CCDC171: variants seen among roughly 807,000 people sequenced by gnomAD.
The protein encoded by CCDC171 is coiled-coil domain-containing protein 171.
Under a neutral mutation model 168.2 loss-of-function variants are expected in CCDC171, and 177 were observed. The ratio of observed to expected loss-of-function variants is 1.05; its 90% confidence interval spans 0.93 to 1.19. CCDC171 has a LOEUF of 1.19. Ranked by LOEUF, CCDC171 falls within the 50% of genes most tolerant of loss-of-function variation. The pLI is 0.00. For missense variants in CCDC171, 1,991 were observed against 1,539.0 expected, an observed-to-expected ratio of 1.29 and a Z score of -4.91; for synonymous variants, 687 against 540.8, an observed-to-expected ratio of 1.27 and a Z score of -3.75.
In CCDC171 at chr9:15,646,486, T is replaced by G. The variant is rs1401737274; in HGVS notation, c.823-10641T>G. On this transcript the variant is annotated intron_variant, in intron 7 of 25. Transcript: ENST00000380701. The stretch of plus-strand genomic sequence containing the variant: ...TGGATAAAGATTCAAGACCCATCAG[T>G]GTGCTGTATTCAGGAGACCCATCTC... 2.0e-5 allele frequency among the ~76,000 whole-genome samples: 3 copies of G among 152,282 alleles called. No homozygotes were observed. The East Asian group carries it at 5.8e-4, about 29-fold the overall frequency.
At chr9:16,074,686 G>A in the CCDC171 span, among the ~76,000 whole-genome samples, 2 of 152,176 alleles carry the variant, frequency 1.3e-5, no homozygotes, top group Non-Finnish European at 2.9e-5. Flanking sequence ...TAGGCAAAGA[G>A]GTGGCAGAAG....
rs529157707 is a variant in CCDC171, at chr9:15,993,595, G to A, written n.369-26994G>A. Among the ~76,000 whole-genome samples, 407 of 152,264 alleles carry A rather than the reference G, an allele frequency of 2.7e-3. 2 individuals carry two copies. Among genetic ancestry groups the A allele is most frequent in the African/African-American group, 9.1e-3 (380 of 41,540 alleles). ...CAACAAAAGCCAAAATTGACAAATG[G>A]GATCTAATTAAACTGAAGAGCTTCT... On this transcript the variant is annotated intron_variant and non_coding_transcript_variant, in intron 3 of 9. Coordinates refer to the CCDC171 transcript ENST00000486641.
At chr9:15,811,184 G>A (rs917162349) in intron 21 of CCDC171, among the ~76,000 whole-genome samples, 1 of 152,188 alleles carries the variant, frequency 6.6e-6, no homozygotes, top group Admixed American at 6.5e-5. Flanking sequence ...TTTGGAACCA[G>A]AGGGCTTGAA....
At chr9:15,782,648 A>G (rs2057726563) in intron 20 of CCDC171, among the ~76,000 whole-genome samples, 1 of 152,184 alleles carries the variant, frequency 6.6e-6, no homozygotes, top group African/African-American at 2.4e-5. Flanking sequence ...GTAATTTAAA[A>G]CAACACATTG....
At chr9:15,812,923 A>G (rs572919479) in intron 21 of CCDC171, among the ~76,000 whole-genome samples, 5 of 152,326 alleles carry the variant, frequency 3.3e-5, no homozygotes, top group South Asian at 2.1e-4. Flanking sequence ...GAGGACCTAC[A>G]TTTGGACCTC....
At chr9:15,890,864 G>T (rs1293698722) in intron 24 of CCDC171, among the ~76,000 whole-genome samples, 1 of 152,106 alleles carries the variant, frequency 6.6e-6, no homozygotes, top group Non-Finnish European at 1.5e-5. Context: ...TATTGAAGTA[G>T]ATGATAACCC....
At chr9:16,031,752 G>T (rs1315948500) in intron 6 of CCDC171, among the ~76,000 whole-genome samples, 2 of 152,144 alleles carry the variant, frequency 1.3e-5, no homozygotes, top group African/African-American at 2.4e-5. Context: ...GGATTCCCTG[G>T]CTGCCAAACA....
intron 6 of CCDC171, among the ~76,000 whole-genome samples, chr9:15,602,338 G>C (rs1485691056): frequency 1.4e-5 from 2 of 145,014 alleles, no homozygotes; most frequent in Admixed American, 1.4e-4. Context: ...ATCTCATAGT[G>C]TTCTCTTTGT....
chr9:15,727,069 AGTG>A (rs1407697817), intron 14 of CCDC171, among the ~76,000 whole-genome samples: 15 of 152,184 alleles, frequency 9.9e-5, no homozygotes, highest in Non-Finnish European at 2.1e-4. Context: ...TAATTACTGA[AGTG>A]GTAATATAAT....
intron 7 of CCDC171, among the ~76,000 whole-genome samples, chr9:15,623,803 T>G (rs1325938928): frequency 5.9e-5 from 9 of 152,174 alleles, no homozygotes; most frequent in African/African-American, 2.2e-4. Context: ...ACATTTTAAT[T>G]TTGTAGTTTG....
At chr9:15,597,474 C>G (rs1163759860) in intron 6 of CCDC171, among the ~76,000 whole-genome samples, 1 of 152,104 alleles carries the variant, frequency 6.6e-6, no homozygotes, top group Non-Finnish European at 1.5e-5. Context: ...TTGAACCAGC[C>G]TTGCATTCCG....
chr9:15,648,696 T>C (rs947319933), intron 7 of CCDC171, among the ~76,000 whole-genome samples: 9 of 152,164 alleles, frequency 5.9e-5, no homozygotes, highest in African/African-American at 2.2e-4. Context: ...ACAAGGGATG[T>C]GAAAGACTTC....
intron 21 of CCDC171, among the ~76,000 whole-genome samples, chr9:15,806,253 T>C (rs1349449998): frequency 2.0e-5 from 3 of 152,202 alleles, no homozygotes; most frequent in Non-Finnish European, 2.9e-5. Context: ...AGTATTGTTA[T>C]GTGTAGATGT....
intron 8 of CCDC171, among the ~76,000 whole-genome samples, chr9:15,657,926 A>C (rs1212571637): frequency 6.6e-6 from 1 of 152,202 alleles, no homozygotes; most frequent in African/African-American, 2.4e-5. Flanking sequence ...ACTACTGCCC[A>C]TGGGCCAAGT....
At chr9:15,970,970 G>A (rs1589281581) in intron 25 of CCDC171, among the ~76,000 whole-genome samples, 1 of 152,232 alleles carries the variant, frequency 6.6e-6, no homozygotes, top group South Asian at 2.1e-4. Flanking sequence ...AATTACCCAT[G>A]TAACAAATCT....
intron 11 of CCDC171, among the ~76,000 whole-genome samples, chr9:15,715,700 A>G (rs1385920194): frequency 1.3e-5 from 2 of 152,190 alleles, no homozygotes; most frequent in African/African-American, 2.4e-5. Flanking sequence ...GATCTTGTAG[A>G]AAAATGAAGT....
intron 4 of CCDC171, among the ~76,000 whole-genome samples, chr9:15,581,242 C>G (rs2041090223): frequency 6.6e-6 from 1 of 152,138 alleles, no homozygotes; most frequent in African/African-American, 2.4e-5. Flanking sequence ...AGGACCTTTT[C>G]AAGGAGAACT....
intron 7 of CCDC171, among the ~76,000 whole-genome samples, chr9:15,630,026 A>G (rs2045541910): frequency 6.6e-6 from 1 of 152,234 alleles, no homozygotes; most frequent in Non-Finnish European, 1.5e-5. Context: ...TCCTGAAGGA[A>G]GCACTAAACA....
At chr9:15,775,865 A>G (rs910864274) in intron 18 of CCDC171, among the ~76,000 whole-genome samples, 11 of 152,206 alleles carry the variant, frequency 7.2e-5, no homozygotes, top group African/African-American at 2.7e-4. Context: ...ATACCCATGT[A>G]TGCTGGGCTG....
Sources: gnomAD v4.1 joint callset for allele counts (sites outside exome capture counted in the v4.1 genomes callset) on GRCh38, gnomAD v4.1.1 for gene constraint, MANE v1.5 for transcripts, NCBI Gene and HGNC (gene_info 2026-07-23, HGNC 2026-07-21) for gene names.